Variants in CNTN5 observed in about 807,000 individuals in gnomAD.
CNTN5 encodes contactin 5.
CNTN5 carries 77 observed loss-of-function variants against 129.1 expected under a neutral mutation model. The observed-to-expected ratio is 0.60, with a 90% CI of 0.50 to 0.72. The LOEUF is 0.72. Among genes scored for constraint, CNTN5 ranks in the 30% least tolerant of loss-of-function variants. The pLI, the probability that CNTN5 is intolerant of heterozygous loss-of-function variation, is 0.00. For synonymous variants in CNTN5, 509 were observed against 465.6 expected, an observed-to-expected ratio of 1.09 and a Z score of -1.20; for missense variants, 1,478 against 1,328.8, an observed-to-expected ratio of 1.11 and a Z score of -1.75.
At chr11:99,737,605 G>C (rs1052523357) in intron 3 of CNTN5, among the ~76,000 whole-genome samples, 2 of 151,984 alleles carry the variant, frequency 1.3e-5, no homozygotes, top group African/African-American at 4.8e-5. Context: ...CCAAGCATAT[G>C]GGTTCTAATC....
At chr11:100,138,925 T>C (rs1313599567) in intron 13 of CNTN5, among the ~76,000 whole-genome samples, 1 of 152,144 alleles carries the variant, frequency 6.6e-6, no homozygotes, top group African/African-American at 2.4e-5. Context: ...GATATCTTTC[T>C]AGACGTATTT....
At chr11:99,126,977 G>T (rs959639199) in intron 1 of CNTN5, among the ~76,000 whole-genome samples, 2 of 152,048 alleles carry the variant, frequency 1.3e-5, no homozygotes, top group African/African-American at 4.8e-5. Flanking sequence ...CACTCTCAGG[G>T]AGCCATGCCA....
In CNTN5 at chr11:99,395,947, C is replaced by T. The variant is rs376366969; in HGVS notation, c.-71+70463C>T. On this transcript the variant is annotated intron_variant, in intron 2 of 24. Transcript: ENST00000524871. ...ACCATGCTGTTTTGGTTAATGTAGGCCTGCAGTATAGTTTGAAGTCAGGTA... is the reference window on the plus strand; with the variant it reads ...ACCATGCTGTTTTGGTTAATGTAGGTCTGCAGTATAGTTTGAAGTCAGGTA... Among the ~76,000 whole-genome samples the T allele has an allele frequency of 1.6e-3, 237 of 151,898 alleles. 2 individuals are homozygous for T. The highest frequency in any genetic ancestry group is 5.5e-3 in the African/African-American group (228 of 41,464).
At chr11:99,358,621 C>T (rs964947631) in intron 2 of CNTN5, among the ~76,000 whole-genome samples, 2 of 151,972 alleles carry the variant, frequency 1.3e-5, no homozygotes, top group Admixed American at 6.6e-5. Context: ...TTCAGGCCAA[C>T]ATTAACATGA....
At chr11:99,448,276 C>G (rs1294395090) in intron 2 of CNTN5, among the ~76,000 whole-genome samples, 1 of 152,022 alleles carries the variant, frequency 6.6e-6, no homozygotes, top group Non-Finnish European at 1.5e-5. Context: ...AAATAAAATT[C>G]TTGTGTATAG....
chr11:99,285,994 C>T (rs189157653), intron 1 of CNTN5, among the ~76,000 whole-genome samples: 167 of 140,014 alleles, frequency 1.2e-3, no homozygotes, highest in East Asian at 3.8e-3. Flanking sequence ...GGTGAGATTG[C>T]GCCACTGCAC....
chr11:100,189,193 C>T (rs1948394606), intron 13 of CNTN5, among the ~76,000 whole-genome samples: 1 of 151,428 alleles, frequency 6.6e-6, no homozygotes, highest in Non-Finnish European at 1.5e-5. Flanking sequence ...TATACCCACC[C>T]AGGTAACAAA....
chr11:99,252,288 G>C (rs1297697171), intron 1 of CNTN5, among the ~76,000 whole-genome samples: 2 of 151,838 alleles, frequency 1.3e-5, no homozygotes, highest in African/African-American at 4.8e-5. Flanking sequence ...GTATCCTTGA[G>C]TTCTGCTCCT....
At chr11:99,889,244 T>A (rs1948981671) in intron 6 of CNTN5, among the ~76,000 whole-genome samples, 1 of 151,882 alleles carries the variant, frequency 6.6e-6, no homozygotes, top group Non-Finnish European at 1.5e-5. Flanking sequence ...AGACTGGATG[T>A]TGTCAGCATG....
intron 9 of CNTN5, among the ~76,000 whole-genome samples, chr11:100,027,283 C>T (rs997495256): frequency 5.9e-5 from 9 of 152,044 alleles, no homozygotes; most frequent in African/African-American, 2.2e-4. Flanking sequence ...TTTTTGTATT[C>T]TTGATCTTTG....
At chr11:100,314,268 A>G (rs150354194) in intron 21 of CNTN5, among the ~76,000 whole-genome samples, 3 of 152,250 alleles carry the variant, frequency 2.0e-5, no homozygotes, top group East Asian at 3.9e-4. Flanking sequence ...CAACATCTGA[A>G]TATATTTTTG....
At chr11:99,941,035 A>G (rs1950423546) in intron 7 of CNTN5, among the ~76,000 whole-genome samples, 1 of 152,154 alleles carries the variant, frequency 6.6e-6, no homozygotes, top group African/African-American at 2.4e-5. Context: ...AAATGTGCTT[A>G]CAGGTCTTCC....
At chr11:99,230,092 A>G (rs981981542) in intron 1 of CNTN5, among the ~76,000 whole-genome samples, 4 of 152,078 alleles carry the variant, frequency 2.6e-5, no homozygotes, top group African/African-American at 9.7e-5. Context: ...AAACTTACAT[A>G]CAATGATTCT....
At chr11:99,862,141 C>T (rs1948226105) in intron 6 of CNTN5, among the ~76,000 whole-genome samples, 1 of 152,092 alleles carries the variant, frequency 6.6e-6, no homozygotes, top group African/African-American at 2.4e-5. Flanking sequence ...TAACTGTCAA[C>T]CTAACCATGT....
intron 1 of CNTN5, among the ~76,000 whole-genome samples, chr11:99,028,112 T>G (rs1362249803): frequency 1.3e-5 from 2 of 151,796 alleles, no homozygotes; most frequent in Admixed American, 6.6e-5. Flanking sequence ...ATAACAGTAA[T>G]CTTAGTAAGA....
At position 100,040,075 on chromosome 11, in the gene CNTN5, C is replaced by CT. The variant is rs991520677; in HGVS notation, c.981-21128dup. On this transcript the variant is annotated intron_variant, in intron 9 of 24. Coordinates refer to ENST00000524871, the MANE Select transcript of CNTN5 (RefSeq NM_014361.4). ...TTTTAGAGTTTCTGGTTTTTCTGCT[C>CT]TTTTTTTTTCCCATCTTTGTGGTTT... Among the ~76,000 whole-genome samples, 327 of 151,642 alleles carry CT rather than the reference C, an allele frequency of 2.2e-3. 1 individual carries two copies. The highest frequency in any genetic ancestry group is 6.1e-3 in the African/African-American group (252 of 41,304).
intron 2 of CNTN5, among the ~76,000 whole-genome samples, chr11:99,526,445 T>C (rs1015680606): frequency 4.6e-5 from 7 of 152,222 alleles, no homozygotes; most frequent in Admixed American, 3.9e-4. Flanking sequence ...GAACTGGCTT[T>C]ACAAAGAGAT....
At chr11:99,931,802 G>A (rs1950198794) in intron 7 of CNTN5, among the ~76,000 whole-genome samples, 1 of 152,208 alleles carries the variant, frequency 6.6e-6, no homozygotes. Flanking sequence ...AGAAAGAAAT[G>A]GGGTAACTTA....
chr11:99,425,727 G>A (rs1244662735), intron 2 of CNTN5, among the ~76,000 whole-genome samples: 3 of 152,216 alleles, frequency 2.0e-5, no homozygotes, highest in Non-Finnish European at 4.4e-5. Context: ...GGGATGCCGA[G>A]GTCTGCAGCC....
Sources: allele counts gnomAD v4.1 joint callset (sites outside exome capture counted in the v4.1 genomes callset), GRCh38; gene constraint gnomAD v4.1.1; transcripts MANE v1.5; gene names NCBI Gene and HGNC (gene_info 2026-07-23, HGNC 2026-07-21).